The following EXOC5 variants were observed in gnomAD, a reference collection of about 807,000 sequenced individuals.
EXOC5 encodes the protein SEC10-like 1.
A neutral mutation model predicts 90.8 loss-of-function variants in EXOC5; 17 were observed. That is an observed-to-expected ratio of 0.19 (90% CI 0.13 to 0.28). EXOC5 has a LOEUF of 0.28. Ranked by LOEUF, EXOC5 falls within the 10% of genes least tolerant of loss-of-function variation. The probability of loss-of-function intolerance (pLI) is 1.00; values close to 1 mark genes in which losing one functional copy is unlikely to be tolerated. For synonymous variants in EXOC5, 260 were observed against 270.0 expected (o/e 0.96, Z 0.36); for missense variants, 569 against 830.6 (o/e 0.69, Z 3.87).
rs1166131668 is a variant in EXOC5 at position 57,237,341 on chromosome 14, C to T, written c.556G>A (p.Ala186Thr). 2.0e-6 allele frequency: 3 copies of T among 1,495,770 alleles called. No homozygotes were observed. The highest frequency in any genetic ancestry group is 2.8e-5 in the African/African-American group (2 of 71,800). The allele number at this position is 1,495,770 out of a possible 1,614,324, so 92.7% of individuals were successfully genotyped here. A position where few individuals can be genotyped will look rare whatever the true frequency, so the allele number is the denominator to read the frequency against. The change falls in exon 6 of 18, where the codon GCA (alanine) becomes ACA (threonine). Residue 186 changes from alanine (A) to threonine (T), a missense_variant. Transcript: ENST00000621441. ...DRFSEVKSKI[A>T]SKYHDLECQL... ...GTAAAATAAATACATCACTTACTTG[C>T]AATTTTGGATTTAACTTCTGAAAAT...
intron 4 of EXOC5, 80 bp downstream of exon 4, chr14:57,244,085 T>C: frequency 1.1e-6 from 1 of 927,524 alleles, no homozygotes; most frequent in Non-Finnish European, 1.7e-6. Context: ...AGTCTAACTC[T>C]GGAAAGCAAT....
rs73290149 is a variant in EXOC5, at chr14:57,251,084, G to A, written c.28-3372C>T. ...TGCACTCGCAGAATCTTTCTATTTT[G>A]GAACTCTGTAGGCTAGTGAAGGCTT... On this transcript the variant is annotated intron_variant, in intron 1 of 17. Transcript: ENST00000621441. Among the ~76,000 whole-genome samples, 1,315 of 152,226 alleles carry A rather than the reference G, an allele frequency of 8.6e-3. 23 individuals carry two copies. The highest frequency in any genetic ancestry group is 0.03 in the African/African-American group (1,241 of 41,538).
At chr14:57,221,467 C>T (rs1204906879) in intron 13 of EXOC5, among the ~76,000 whole-genome samples, 2 of 152,132 alleles carry the variant, frequency 1.3e-5, no homozygotes, top group Non-Finnish European at 2.9e-5. Flanking sequence ...AGAATGTACA[C>T]AGGGAGACCA....
At position 57,201,922 on chromosome 14, in the gene EXOC5, T is replaced by A. The variant is rs376527233; in HGVS notation, c.*6687A>T. On this transcript the variant is annotated 3_prime_UTR_variant, in exon 18 of 18. Transcript: ENST00000621441. The stretch of plus-strand genomic sequence containing the variant: ...TAAGGGGGACCTATATATGTCTGTA[T>A]CTATTAATATATATCTACCTCCAAA... The A allele has an allele frequency of 3.9e-5, 6 of 152,094 alleles. No individual in the cohort carries two copies. Among genetic ancestry groups the A allele is most frequent in the East Asian group, 1.9e-4 (1 of 5,160 alleles). 9.4% of individuals were successfully genotyped at this position (152,094 alleles called of 1,614,324 possible).
intron 1 of EXOC5, among the ~76,000 whole-genome samples, chr14:57,264,313 CAA>C (rs930195662): frequency 2.0e-5 from 3 of 152,174 alleles, no homozygotes; most frequent in Non-Finnish European, 2.9e-5. Flanking sequence ...GCTAATTGAA[CAA>C]GAGACATCAT....
At chr14:57,210,907 T>G (rs1369698141) in intron 15 of EXOC5, among the ~76,000 whole-genome samples, 2 of 152,162 alleles carry the variant, frequency 1.3e-5, no homozygotes, top group Non-Finnish European at 2.9e-5. Context: ...TGTGCTTTCA[T>G]GAAAAGGTTA....
At chr14:57,267,892 T>A (rs530344513) in intron 1 of EXOC5, among the ~76,000 whole-genome samples, 1 of 152,228 alleles carries the variant, frequency 6.6e-6, no homozygotes, top group Admixed American at 6.5e-5. Context: ...AGGTGCATTA[T>A]ATACATGAAA....
intron 12 of EXOC5, among the ~76,000 whole-genome samples, chr14:57,227,945 T>TACAC (rs60100460): frequency 1.2e-3 from 175 of 146,026 alleles, no homozygotes; most frequent in Admixed American, 2.4e-3. Flanking sequence ...CATATATATA[T>TACAC]ACACACACAC....
chr14:57,259,412 T>C (rs1330385767), intron 1 of EXOC5, among the ~76,000 whole-genome samples: 1 of 152,170 alleles, frequency 6.6e-6, no homozygotes, highest in African/African-American at 2.4e-5. Context: ...TTCACACTCT[T>C]ATATCTACCC....
chr14:57,209,588 C>G lies in EXOC5; in HGVS notation c.1917G>C (p.Arg639Ser), dbSNP rs935910041. The G allele has an allele frequency of 6.2e-7, 1 of 1,611,974 alleles. No individual in the cohort carries two copies. The highest frequency in any genetic ancestry group is 1.3e-5 in the African/African-American group (1 of 74,794). The change falls in exon 17 of 18, where the codon AGG (arginine) becomes AGC (serine). Residue 639 changes from arginine to serine, a missense_variant. This residue lies in a region of EXOC5 where 122 missense variants were observed against 180.0 expected (regional missense o/e 0.68). Coordinates refer to ENST00000621441, the MANE Select transcript of EXOC5 (RefSeq NM_006544.4). ...ATACCTTGAAGTCTTTGGCACACTT[C>G]CTATATTCGGCTACATCACAAATGG... ...MLAICDVAEY[R>S]KCAKDFKIPM...
rs1310635695 is a variant in EXOC5 at position 57,267,594 on chromosome 14, C to G, written c.27+1028G>C. ...TCAATGTGAAACACAAGCACACACA[C>G]AAAAAAGGGGTCTTTCTTTCCTTTT... On this transcript the variant is annotated intron_variant, in intron 1 of 17. Coordinates refer to ENST00000621441, the MANE Select transcript of EXOC5 (RefSeq NM_006544.4). Among the ~76,000 whole-genome samples the G allele has an allele frequency of 1.3e-5, 2 of 151,912 alleles. 1 individual carries two copies.
At chr14:57,226,009 G>A (rs1442087079) in intron 12 of EXOC5, among the ~76,000 whole-genome samples, 1 of 152,140 alleles carries the variant, frequency 6.6e-6, no homozygotes, top group Non-Finnish European at 1.5e-5. Flanking sequence ...CCTTAATCTG[G>A]CTCGGTGAAT....
At chr14:57,254,240 G>A (rs1884279641) in intron 1 of EXOC5, among the ~76,000 whole-genome samples, 1 of 152,048 alleles carries the variant, frequency 6.6e-6, no homozygotes, top group Non-Finnish European at 1.5e-5. Flanking sequence ...TTCGAGACCA[G>A]GATGGCAAAC....
chr14:57,240,022 G>A (rs953619169), intron 4 of EXOC5, among the ~76,000 whole-genome samples: 3 of 152,002 alleles, frequency 2.0e-5, no homozygotes, highest in South Asian at 2.1e-4. Flanking sequence ...TTATGAACCC[G>A]AAAAGGATAA....
chr14:57,224,828 G>C (rs113228390), intron 12 of EXOC5, among the ~76,000 whole-genome samples: 5 of 152,298 alleles, frequency 3.3e-5, no homozygotes, highest in Admixed American at 1.3e-4. Flanking sequence ...TTGGGAAGCC[G>C]AGGCGGGCGG....
chr14:57,208,778 A>T lies in EXOC5; in HGVS notation c.1958T>A (p.Leu653His). 1 of 1,599,464 alleles carries T rather than the reference A, an allele frequency of 6.3e-7. No individual in the cohort carries two copies. The highest frequency in any genetic ancestry group is 2.2e-5 in the East Asian group (1 of 44,586). Residue 653 changes from leucine to histidine, a missense_variant, in exon 18 of 18, where the codon CTT (leucine) becomes CAT (histidine). Leu to His is a moderately conservative substitution (Grantham distance 99, BLOSUM62 -3). Transcript: ENST00000621441. ...KDFKIPMVLHLFDTLHALCNL... is the reference protein window; with the variant it reads ...KDFKIPMVLHHFDTLHALCNL... ...GCAAAGAGCATGCAGAGTATCAAAA[A>T]GATGTAATACCATTGGAATCTGAAT...
intron 1 of EXOC5, among the ~76,000 whole-genome samples, chr14:57,259,374 C>T (rs1884435440): frequency 2.6e-5 from 4 of 152,214 alleles, no homozygotes; most frequent in Non-Finnish European, 5.9e-5. Context: ...GCTCGGATTA[C>T]AGGTGTGAGT....
Position 57,249,537 on chromosome 14 carries a change from T to C in EXOC5, c.28-1825A>G, listed in dbSNP as rs575244037. On this transcript the variant is annotated intron_variant, in intron 1 of 17. Transcript: ENST00000621441. ...AAATATTTTCAATTACCTGAAAATATAGTATTCCTTCATTCAGCAAATATT... is the reference window on the plus strand; with the variant it reads ...AAATATTTTCAATTACCTGAAAATACAGTATTCCTTCATTCAGCAAATATT... 5.9e-5 allele frequency among the ~76,000 whole-genome samples: 9 copies of C among 152,248 alleles called. No homozygotes were observed. In the East Asian group the frequency reaches 7.7e-4, roughly 13 times the overall value.
chr14:57,219,280 T>C (rs576743064), intron 14 of EXOC5, 42 bp downstream of exon 14: 4 of 1,251,654 alleles, frequency 3.2e-6, no homozygotes, highest in East Asian at 2.7e-5. Flanking sequence ...AATGCTATAA[T>C]AGTCACTGAA....
Sources: allele counts gnomAD v4.1 joint callset (sites outside exome capture counted in the v4.1 genomes callset), GRCh38; gene constraint gnomAD v4.1.1; regional missense constraint gnomAD v4.1.1; transcripts MANE v1.5; gene names NCBI Gene and HGNC (gene_info 2026-07-23, HGNC 2026-07-21).